The following KYAT3 variants were observed in gnomAD, a reference collection of about 807,000 sequenced individuals.
KYAT3 encodes kynurenine aminotransferase 3.
Under a neutral mutation model 59.0 loss-of-function variants are expected in KYAT3, and 50 were observed. The ratio of observed to expected loss-of-function variants is 0.85; its 90% CI spans 0.68 to 1.07. The LOEUF is 1.07. Ranked by LOEUF, KYAT3 falls within the 50% of genes least tolerant of loss-of-function variation. The pLI, the probability that KYAT3 is intolerant of heterozygous loss-of-function variation, is 0.00. For missense variants in KYAT3, 497 were observed against 533.3 expected (o/e 0.93, Z 0.67); for synonymous variants, 148 against 177.0 (o/e 0.84, Z 1.30).
At chr1:88,964,074 G>T (rs1676247724) in intron 5 of KYAT3, among the ~76,000 whole-genome samples, 1 of 152,130 alleles carries the variant, frequency 6.6e-6, no homozygotes, top group African/African-American at 2.4e-5. Context: ...TTCGTGGCGG[G>T]CGCCTGTAAT....
intron 8 of KYAT3, among the ~76,000 whole-genome samples, chr1:88,958,808 A>G (rs796915484): frequency 6.6e-6 from 1 of 152,152 alleles, no homozygotes; most frequent in East Asian, 1.9e-4. Flanking sequence ...GGAATTCACA[A>G]TATCACCATT....
the KYAT3 span, among the ~76,000 whole-genome samples, chr1:88,928,179 T>G: frequency 1.3e-5 from 2 of 151,986 alleles, no homozygotes; most frequent in Non-Finnish European, 2.9e-5. Context: ...AGGGAGACAT[T>G]GAGGAAGCAT....
chr1:88,932,431 T>C (rs190306654), downstream of KYAT3, among the ~76,000 whole-genome samples: 2 of 152,292 alleles, frequency 1.3e-5, no homozygotes, highest in Admixed American at 1.3e-4. Context: ...TATTGATAGA[T>C]AGATATAAAC....
In KYAT3 at chr1:88,969,464, T is replaced by G. The variant is rs755016469; in HGVS notation, c.103A>C (p.Met35Leu). Residue 35 changes from methionine (M) to leucine (L), a missense_variant, in exon 3 of 14, where the codon ATG becomes CTG. This residue lies in a region of KYAT3 where 469 missense variants were observed against 479.1 expected (regional missense o/e 0.98). Coordinates refer to ENST00000260508, the MANE Select transcript of KYAT3 (RefSeq NM_001008661.3). Reference protein sequence around the residue: ...KILGFSTSAKMSLKFTNAKRI... With the variant: ...KILGFSTSAKLSLKFTNAKRI... The stretch of plus-strand genomic sequence containing the variant: ...TTTGCATTTGTGAATTTCAGTGACA[T>G]TTTCTGAAATATATAAATATTGAAA... The G allele has an allele frequency of 6.4e-7, 1 of 1,558,564 alleles. No homozygotes were observed. The highest frequency in any genetic ancestry group is 8.8e-7 in the Non-Finnish European group (1 of 1,131,372).
chr1:88,934,163 TAGG>T (rs748520300), downstream of KYAT3, among the ~76,000 whole-genome samples: 5 of 152,158 alleles, frequency 3.3e-5, no homozygotes, highest in Non-Finnish European at 5.9e-5. Flanking sequence ...TTATTAAAAA[TAGG>T]AGAATCAGCT....
chr1:88,937,253 C>T (rs770035311), intron 13 of KYAT3, among the ~76,000 whole-genome samples: 2 of 152,034 alleles, frequency 1.3e-5, no homozygotes, highest in Admixed American at 6.5e-5. Context: ...CAGGACAGGT[C>T]GGCATGGGTG....
At chr1:88,952,001 G>A (rs1042771526) in intron 10 of KYAT3, among the ~76,000 whole-genome samples, 60 of 152,148 alleles carry the variant, frequency 3.9e-4, no homozygotes, top group Non-Finnish European at 1.6e-4. Context: ...TGTGTTGACG[G>A]AAGCAGAGGA....
chr1:88,937,159 G>A (rs1228218299), intron 13 of KYAT3, among the ~76,000 whole-genome samples: 1 of 152,196 alleles, frequency 6.6e-6, no homozygotes, highest in African/African-American at 2.4e-5. Context: ...GAGGGGCAAG[G>A]AGGGCTTCTG....
chr1:88,975,476 AT>A (rs1259143382), intron 2 of KYAT3, among the ~76,000 whole-genome samples: 2 of 152,152 alleles, frequency 1.3e-5, no homozygotes, highest in Non-Finnish European at 2.9e-5. Context: ...TCTACTGTGC[AT>A]TTTAATTATA....
chr1:88,928,806 A>T, the KYAT3 span, among the ~76,000 whole-genome samples: 246 of 152,214 alleles, frequency 1.6e-3, no homozygotes, highest in African/African-American at 5.5e-3. Flanking sequence ...TGTCCTCCAG[A>T]TCTGTCACTA....
intron 4 of KYAT3, among the ~76,000 whole-genome samples, chr1:88,967,777 T>C (rs1204114197): frequency 1.3e-5 from 2 of 152,218 alleles, no homozygotes; most frequent in African/African-American, 2.4e-5. Flanking sequence ...TTTGAGTTTT[T>C]TCTTTTTTAT....
In KYAT3 at chr1:88,962,143, G is replaced by A; in HGVS notation, c.456C>T (p.Val152=). ...IQALIDEGDE[V]ILIVPFYDCY... is the part of the protein sequence containing the mutation. Reference sequence around the variant, plus strand: ...AGTCATAGAAAGGCACTATTAGTATGACCTGCAATAAAAGCAAATAAGATC... The same window carrying A: ...AGTCATAGAAAGGCACTATTAGTATAACCTGCAATAAAAGCAAATAAGATC... Residue 152 remains valine, a splice_region_variant and synonymous_variant, in exon 6 of 14, where the codon GTC becomes GTT. Coordinates refer to ENST00000260508, the MANE Select transcript of KYAT3 (RefSeq NM_001008661.3). The A allele has an allele frequency of 1.2e-6, 2 of 1,609,374 alleles. No homozygotes were observed. The highest frequency in any genetic ancestry group is 1.7e-6 in the Non-Finnish European group (2 of 1,175,734).
At chr1:88,979,491 G>T (rs1254216589) in intron 2 of KYAT3, 2 of 152,124 alleles carry the variant, frequency 1.3e-5, no homozygotes, top group East Asian at 3.9e-4. Flanking sequence ...TATATATAAA[G>T]AACTTTTACA....
intron 10 of KYAT3, 106 bp downstream of exon 10, chr1:88,952,957 G>GCAA (rs1250602241): frequency 1.5e-6 from 1 of 681,590 alleles, no homozygotes; most frequent in Non-Finnish European, 2.6e-6. Flanking sequence ...AGAAGGCCCT[G>GCAA]CAACAGAAGG....
chr1:88,952,656 C>G (rs1675728007), intron 10 of KYAT3, among the ~76,000 whole-genome samples: 1 of 152,140 alleles, frequency 6.6e-6, no homozygotes, highest in Non-Finnish European at 1.5e-5. Context: ...AACCATGAGC[C>G]AAGTAAACCT....
chr1:88,970,575 C>G (rs927737684), intron 2 of KYAT3, among the ~76,000 whole-genome samples: 1 of 152,114 alleles, frequency 6.6e-6, no homozygotes, highest in Non-Finnish European at 1.5e-5. Flanking sequence ...AATGCTGCCT[C>G]TTAAAAGTAT....
intron 2 of KYAT3, among the ~76,000 whole-genome samples, chr1:88,986,113 G>A (rs920081836): frequency 2.0e-5 from 3 of 151,604 alleles, no homozygotes; most frequent in Admixed American, 2.0e-4. Context: ...CCCGAGAGGC[G>A]GAGGCTGCAG....
chr1:88,943,371 C>T lies in KYAT3; in HGVS notation c.1194G>A (p.Val398=), dbSNP rs532957514. 6 of 1,578,614 alleles carry T rather than the reference C, an allele frequency of 3.8e-6. No individual in the cohort carries two copies. In the South Asian group the frequency reaches 5.7e-5, roughly 15 times the overall value. Residue 398 remains valine, a synonymous_variant, in exon 12 of 14, where the codon GTG becomes GTA. Coordinates refer to ENST00000260508, the MANE Select transcript of KYAT3 (RefSeq NM_001008661.3). The part of the protein sequence containing the change: ...KNNEPYDYKF[V]KWMTKHKKLS... ...TTACCTTATGTTTAGTCATCCATTT[C>T]ACAAACTTATAGTCATAAGGCTCAT...
chr1:88,927,160 T>C, the KYAT3 span, among the ~76,000 whole-genome samples: 4 of 152,126 alleles, frequency 2.6e-5, no homozygotes, highest in Non-Finnish European at 5.9e-5. Flanking sequence ...CTAATGCTCA[T>C]CAGAAAATGA....
Sources: allele counts gnomAD v4.1 joint callset (sites outside exome capture counted in the v4.1 genomes callset), GRCh38; gene constraint gnomAD v4.1.1; regional missense constraint gnomAD v4.1.1; transcripts MANE v1.5; gene names NCBI Gene and HGNC (gene_info 2026-07-23, HGNC 2026-07-21).